Variants in RNLS observed in about 807,000 individuals in gnomAD.
RNLS encodes the protein renalase.
A neutral mutation model predicts 39.8 loss-of-function variants in RNLS; 39 were observed. That is an observed-to-expected ratio of 0.98 (90% CI 0.76 to 1.28). The LOEUF is 1.28. Among genes scored for constraint, RNLS ranks in the 50% most tolerant of loss-of-function variants. The probability of loss-of-function intolerance (pLI) is 0.00; values close to 1 mark genes in which losing one functional copy is unlikely to be tolerated. For missense variants in RNLS, 410 were observed against 413.3 expected (o/e 0.99, Z 0.07); for synonymous variants, 147 against 150.7 (o/e 0.98, Z 0.18).
chr10:88,226,310 C>T, the RNLS span, among the ~76,000 whole-genome samples: 8 of 152,196 alleles, frequency 5.3e-5, no homozygotes, highest in Non-Finnish European at 8.8e-5. Context: ...AACAACTAGA[C>T]TCAGAGATAT....
At chr10:88,451,978 C>G (rs976751923) in intron 4 of RNLS, among the ~76,000 whole-genome samples, 1 of 152,188 alleles carries the variant, frequency 6.6e-6, no homozygotes. Flanking sequence ...CTGCAAGTTG[C>G]CTAACTAGAA....
chr10:88,480,449 C>T (rs1262565747), intron 4 of RNLS, among the ~76,000 whole-genome samples: 1 of 152,194 alleles, frequency 6.6e-6, no homozygotes, highest in East Asian at 1.9e-4. Context: ...GAGACGGAGT[C>T]TCACTCTTGT....
intron 5 of RNLS, among the ~76,000 whole-genome samples, chr10:88,340,980 A>C (rs532266443): frequency 2.0e-5 from 3 of 150,046 alleles, no homozygotes; most frequent in African/African-American, 7.4e-5. Context: ...AATCGCTTGA[A>C]CCTGAGAGGC....
At chr10:88,453,372 T>C (rs1412470833) in intron 4 of RNLS, among the ~76,000 whole-genome samples, 1 of 152,228 alleles carries the variant, frequency 6.6e-6, no homozygotes, top group Non-Finnish European at 1.5e-5. Context: ...GACTGGGTGA[T>C]AGAAGGGTCT....
At chr10:88,229,218 C>G in the RNLS span, among the ~76,000 whole-genome samples, 2 of 152,162 alleles carry the variant, frequency 1.3e-5, no homozygotes, top group African/African-American at 4.8e-5. Flanking sequence ...TGACAGAATA[C>G]CCCAATTCAA....
At chr10:88,460,617 C>T (rs1168733207) in intron 4 of RNLS, among the ~76,000 whole-genome samples, 1 of 152,128 alleles carries the variant, frequency 6.6e-6, no homozygotes. Context: ...CTATATTGCT[C>T]ATGTTCTATG....
At chr10:88,228,483 G>C in the RNLS span, among the ~76,000 whole-genome samples, 1 of 152,164 alleles carries the variant, frequency 6.6e-6, no homozygotes, top group Non-Finnish European at 1.5e-5. Flanking sequence ...CTTCCACAGT[G>C]CAAGGACGCT....
intron 4 of RNLS, among the ~76,000 whole-genome samples, chr10:88,415,296 TAAG>T (rs1454367352): frequency 3.9e-5 from 6 of 152,186 alleles, no homozygotes; most frequent in African/African-American, 9.7e-5. Context: ...TGGAGCTCAT[TAAG>T]AAGGTTAGGA....
chr10:88,263,631 C>T, the RNLS span, among the ~76,000 whole-genome samples: 5 of 152,036 alleles, frequency 3.3e-5, no homozygotes, highest in Admixed American at 2.0e-4. Flanking sequence ...CTGAACCTGC[C>T]TTAATTGCAC....
At chr10:88,582,470 T>C (rs932007142) in intron 1 of RNLS, among the ~76,000 whole-genome samples, 163 bp from the exon 2 acceptor site, 1 of 152,236 alleles carries the variant, frequency 6.6e-6, no homozygotes, top group Non-Finnish European at 1.5e-5. Flanking sequence ...GAAGGAGTCA[T>C]GAACAATGTA....
chr10:88,563,209 C>A (rs1849287697), intron 4 of RNLS, among the ~76,000 whole-genome samples: 1 of 151,960 alleles, frequency 6.6e-6, no homozygotes, highest in African/African-American at 2.4e-5. Flanking sequence ...AAACCTGATT[C>A]TAAAGTACAC....
chr10:88,286,488 T>C (rs983720574), intron 6 of RNLS, among the ~76,000 whole-genome samples: 2 of 152,082 alleles, frequency 1.3e-5, no homozygotes, highest in African/African-American at 4.8e-5. Context: ...GACACTGAGA[T>C]GATTTGGCCA....
At chr10:88,285,719 A>T (rs1843219692) in intron 6 of RNLS, among the ~76,000 whole-genome samples, 1 of 152,080 alleles carries the variant, frequency 6.6e-6, no homozygotes, top group Non-Finnish European at 1.5e-5. Flanking sequence ...TTATATTTAT[A>T]TTCTTAAATG....
At chr10:88,372,352 G>C (rs1850632314) in intron 4 of RNLS, among the ~76,000 whole-genome samples, 1 of 152,086 alleles carries the variant, frequency 6.6e-6, no homozygotes. Context: ...TCTAGTCCCT[G>C]CTTTACTGCC....
At chr10:88,517,829 T>C (rs1185832367) in intron 4 of RNLS, among the ~76,000 whole-genome samples, 2 of 151,908 alleles carry the variant, frequency 1.3e-5, no homozygotes, top group Non-Finnish European at 2.9e-5. Flanking sequence ...CCAGAAGGTT[T>C]GGAGAGAAAA....
chr10:88,478,053 T>A (rs1843925000), intron 4 of RNLS, among the ~76,000 whole-genome samples: 1 of 152,200 alleles, frequency 6.6e-6, no homozygotes, highest in Non-Finnish European at 1.5e-5. Flanking sequence ...AAGTAAAGAA[T>A]TATTAAAACT....
At position 88,468,415 on chromosome 10, in the gene RNLS, C is replaced by T. The variant is rs140859125; in HGVS notation, c.526+104488G>A. On this transcript the variant is annotated intron_variant, in intron 4 of 6. Transcript: ENST00000331772. Reference sequence around the variant, plus strand: ...GACTTTCAGTTATCCGGTAACCTAACGAGAATGTATGTCAACTATGTTGAC... The same window carrying T: ...GACTTTCAGTTATCCGGTAACCTAATGAGAATGTATGTCAACTATGTTGAC... 3.3e-5 allele frequency among the ~76,000 whole-genome samples: 5 copies of T among 152,206 alleles called. No homozygotes were observed. In the East Asian group the frequency reaches 5.8e-4, roughly 18 times the overall value.
chr10:88,572,690 A>C (rs1459212546), intron 4 of RNLS, among the ~76,000 whole-genome samples: 1 of 152,280 alleles, frequency 6.6e-6, no homozygotes, highest in Non-Finnish European at 1.5e-5. Context: ...CAATAAGAAA[A>C]GTGTTCAACT....
rs1029817019 is a variant in RNLS at position 88,308,162 on chromosome 10, C to T, written c.876+6304G>A. On this transcript the variant is annotated intron_variant, in intron 6 of 6. Transcript: ENST00000331772. ...TTAAGGACTTAAGTGAAAAACCCAA[C>T]GCTATAAACACCCTGGAAGACAACC... 4.6e-5 allele frequency among the ~76,000 whole-genome samples: 7 copies of T among 152,148 alleles called. 1 individual carries two copies. The highest frequency in any genetic ancestry group is 8.8e-5 in the Non-Finnish European group (6 of 68,008).
Sources: allele counts gnomAD v4.1 joint callset (sites outside exome capture counted in the v4.1 genomes callset), GRCh38; gene constraint gnomAD v4.1.1; transcripts MANE v1.5; gene names NCBI Gene and HGNC (gene_info 2026-07-23, HGNC 2026-07-21).